Variants in PKNOX2 observed in about 807,000 individuals in gnomAD.
PKNOX2 encodes homeobox protein PKNOX2.
In PKNOX2, 14 loss-of-function variants were observed where a neutral mutation model predicts 53.1. The ratio of observed to expected loss-of-function variants is 0.26; its 90% CI spans 0.17 to 0.41. The LOEUF (loss-of-function observed/expected upper bound fraction) is 0.41. Among genes scored for constraint, PKNOX2 ranks in the 10% least tolerant of loss-of-function variants. The pLI is 1.00. For missense variants in PKNOX2, 496 were observed against 602.8 expected (o/e 0.82, Z 1.85); for synonymous variants, 257 against 242.8 (o/e 1.06, Z -0.54).
chr11:125,378,321 T>C (rs1373768557), intron 5 of PKNOX2, among the ~76,000 whole-genome samples: 3 of 152,208 alleles, frequency 2.0e-5, no homozygotes, highest in Non-Finnish European at 2.9e-5. Flanking sequence ...CCTTGTGTCC[T>C]CTGAGCAGTG....
chr11:125,397,669 A>G (rs2135455657), intron 6 of PKNOX2, among the ~76,000 whole-genome samples: 1 of 152,366 alleles, frequency 6.6e-6, no homozygotes, highest in East Asian at 1.9e-4. Context: ...AATAATTAGC[A>G]GAGAGCCATC....
rs549395619 is a variant in PKNOX2, at chr11:125,423,603, C to G, written c.937-5409C>G. 9.9e-5 allele frequency among the ~76,000 whole-genome samples: 15 copies of G among 152,284 alleles called. No individual in the cohort carries two copies. The South Asian group carries it at 2.7e-3, about 27-fold the overall frequency. ...ACATGCCACACATTTTTCCTTGGTG[C>G]TAGTGAGGTAGGGTTGAAAAGAAAG... On this transcript the variant is annotated intron_variant, in intron 10 of 12. Transcript: ENST00000298282.
At chr11:125,325,868 G>A (rs1486075388) in intron 2 of PKNOX2, among the ~76,000 whole-genome samples, 1 of 152,180 alleles carries the variant, frequency 6.6e-6, no homozygotes, top group Non-Finnish European at 1.5e-5. Flanking sequence ...ACTGCAGGAA[G>A]CATGCAAAAT....
intron 10 of PKNOX2, among the ~76,000 whole-genome samples, chr11:125,415,680 T>C (rs1028554425): frequency 6.6e-6 from 1 of 152,106 alleles, no homozygotes; most frequent in Non-Finnish European, 1.5e-5. Flanking sequence ...AATGCAACTC[T>C]AGGGAGACAC....
At chr11:125,421,605 G>A (rs1241523787) in intron 10 of PKNOX2, among the ~76,000 whole-genome samples, 1 of 152,208 alleles carries the variant, frequency 6.6e-6, no homozygotes, top group Non-Finnish European at 1.5e-5. Context: ...TGATGAATAG[G>A]ATTGACAATA....
chr11:125,311,300 T>A (rs1184456680), intron 2 of PKNOX2, among the ~76,000 whole-genome samples: 4 of 152,158 alleles, frequency 2.6e-5, no homozygotes, highest in Admixed American at 2.6e-4. Flanking sequence ...AGAAATAGCA[T>A]TAGCAAGGAA....
intron 10 of PKNOX2, among the ~76,000 whole-genome samples, chr11:125,419,386 T>C (rs540546449): frequency 1.4e-5 from 2 of 145,266 alleles, no homozygotes; most frequent in Admixed American, 7.0e-5. Context: ...CCTTGGAAAA[T>C]GCTGAGAGAA....
intron 3 of PKNOX2, among the ~76,000 whole-genome samples, chr11:125,346,132 T>C (rs1950956638): frequency 6.8e-6 from 1 of 147,468 alleles, no homozygotes; most frequent in South Asian, 2.1e-4. Flanking sequence ...CCTGCAAATC[T>C]GTCTAGACGT....
At chr11:125,272,662 G>C (rs1035188832) in intron 2 of PKNOX2, among the ~76,000 whole-genome samples, 7 of 152,142 alleles carry the variant, frequency 4.6e-5, no homozygotes, top group African/African-American at 1.7e-4. Flanking sequence ...ATCGTGTCGC[G>C]TAAAGAGGGC....
At position 125,259,965 on chromosome 11, in the gene PKNOX2, C is replaced by T. The variant is rs184073732; in HGVS notation, c.-130+24850C>T. Among the ~76,000 whole-genome samples, 166 of 152,022 alleles carry T rather than the reference C, an allele frequency of 1.1e-3. 1 individual carries two copies. Among genetic ancestry groups the T allele is most frequent in the Non-Finnish European group, 1.8e-3 (123 of 67,980 alleles). On this transcript the variant is annotated intron_variant, in intron 2 of 12. Transcript: ENST00000298282. ...AATCACAGCTCATTGTACCCTCCAG[C>T]TCCTGGGCTCAAGCGATCCTCCTGC... is the stretch of plus-strand genomic sequence containing the variant.
chr11:125,202,757 C>T (rs187118528), intron 1 of PKNOX2, among the ~76,000 whole-genome samples: 1 of 152,096 alleles, frequency 6.6e-6, no homozygotes, highest in African/African-American at 2.4e-5. Flanking sequence ...CAGATAATTT[C>T]ATCACCCCTT....
intron 2 of PKNOX2, among the ~76,000 whole-genome samples, chr11:125,245,164 G>A (rs1943464844): frequency 6.6e-6 from 1 of 152,202 alleles, no homozygotes; most frequent in Admixed American, 6.5e-5. Flanking sequence ...CTTGGTGGCT[G>A]GCTGAGCATG....
At chr11:125,403,360 C>G (rs1039441875) in intron 7 of PKNOX2, among the ~76,000 whole-genome samples, 9 of 152,104 alleles carry the variant, frequency 5.9e-5, no homozygotes, top group Admixed American at 3.9e-4. Context: ...TGGAGACACG[C>G]TGGAGACAAA....
At chr11:125,222,063 G>C (rs1240014941) in intron 1 of PKNOX2, among the ~76,000 whole-genome samples, 1 of 152,200 alleles carries the variant, frequency 6.6e-6, no homozygotes, top group Non-Finnish European at 1.5e-5. Context: ...AAATAAATCA[G>C]AGGGACAAGG....
At chr11:125,197,655 A>AAC (rs1555113894) in intron 1 of PKNOX2, among the ~76,000 whole-genome samples, 2,408 of 151,900 alleles carry the variant, frequency 0.016, 61 homozygotes, top group African/African-American at 0.054. Context: ...AGCAGAGGAA[A>AAC]AACAACAACA....
At position 125,175,459 on chromosome 11, in the gene PKNOX2, C is replaced by T. The variant is rs115507496; in HGVS notation, c.-201+10683C>T. On this transcript the variant is annotated intron_variant, in intron 1 of 12. Transcript: ENST00000298282. ...GGTAAAGGCAGAAGAAGGATGTTCC[C>T]TGAGCTCTGTGATTTCTAGGTAGCT... Among the ~76,000 whole-genome samples the T allele has an allele frequency of 7.5e-3, 1,136 of 152,328 alleles. 15 individuals are homozygous for T. The highest frequency in any genetic ancestry group is 0.026 in the African/African-American group (1,083 of 41,574).
At chr11:125,171,579 C>T (rs531971636) in intron 1 of PKNOX2, among the ~76,000 whole-genome samples, 9 of 152,308 alleles carry the variant, frequency 5.9e-5, no homozygotes, top group East Asian at 1.9e-4. Context: ...GTCCCTAGCA[C>T]GGTGTCTGGC....
intron 2 of PKNOX2, among the ~76,000 whole-genome samples, chr11:125,290,995 G>C (rs541797054): frequency 6.6e-6 from 1 of 152,244 alleles, no homozygotes; most frequent in Non-Finnish European, 1.5e-5. Context: ...AGCTGAGACA[G>C]ACGCAAGACT....
intron 2 of PKNOX2, among the ~76,000 whole-genome samples, chr11:125,317,829 C>A (rs1448681278): frequency 1.3e-5 from 2 of 152,150 alleles, no homozygotes; most frequent in African/African-American, 4.8e-5. Context: ...AAAAGTCAAC[C>A]TGTTTTTTTG....
Sources: allele counts gnomAD v4.1 joint callset (sites outside exome capture counted in the v4.1 genomes callset), GRCh38; gene constraint gnomAD v4.1.1; transcripts MANE v1.5; gene names NCBI Gene and HGNC (gene_info 2026-07-23, HGNC 2026-07-21).